MARCHF1: variants seen among roughly 807,000 people sequenced by gnomAD.
The protein encoded by MARCHF1 is membrane associated ring-CH-type finger 1, also known as E3 ubiquitin-protein ligase MARCHF1.
Under a neutral mutation model 54.2 loss-of-function variants are expected in MARCHF1, and 40 were observed. The observed-to-expected ratio is 0.74, with a 90% confidence interval of 0.57 to 0.96. MARCHF1 has a LOEUF of 0.96. Among genes scored for constraint, MARCHF1 ranks in the 40% least tolerant of loss-of-function variants. The probability of loss-of-function intolerance (pLI) is 0.00; values close to 1 mark genes in which losing one functional copy is unlikely to be tolerated. For missense variants in MARCHF1, 586 were observed against 656.5 expected (o/e 0.89, Z 1.17); for synonymous variants, 236 against 236.3 (o/e 1.00, Z 0.01).
intron 8 of MARCHF1, among the ~76,000 whole-genome samples, chr4:163,557,081 A>G (rs1353634981): frequency 6.6e-6 from 1 of 152,198 alleles, no homozygotes. Flanking sequence ...TAATAGCGAT[A>G]GCAGGGAAGG....
At position 163,835,042 on chromosome 4, in the gene MARCHF1, C is replaced by G. The variant is rs1044504476; in HGVS notation, c.111+18979G>C. ...GGACTAAAAGCCCATGCTACCATGC[C>G]TGGCTAATTTTTAAATTTATTGCAG... is the stretch of plus-strand genomic sequence containing the variant. On this transcript the variant is annotated intron_variant, in intron 4 of 9. Coordinates refer to ENST00000514618, the MANE Select transcript of MARCHF1 (RefSeq NM_001394959.1). 2.0e-5 allele frequency among the ~76,000 whole-genome samples: 3 copies of G among 151,968 alleles called. No homozygotes were observed. The South Asian group carries it at 6.2e-4, about 32-fold the overall frequency.
intron 4 of MARCHF1, among the ~76,000 whole-genome samples, chr4:163,738,535 C>T (rs1746111857): frequency 6.6e-6 from 1 of 152,212 alleles, no homozygotes; most frequent in African/African-American, 2.4e-5. Context: ...AATGTATTAT[C>T]AGCCACCTGG....
At chr4:163,631,056 A>G (rs1742059302) in intron 5 of MARCHF1, among the ~76,000 whole-genome samples, 1 of 152,176 alleles carries the variant, frequency 6.6e-6, no homozygotes. Context: ...GTTTCATAGA[A>G]TATCAAATTA....
rs1181076356 is a variant in MARCHF1, at chr4:164,039,209, C to A, written c.-247-50500G>T. ...TGTTTCACTTTTAAAATTCCACATG[C>A]AGTAGCATTTACTAATCCAGTTTTT... On this transcript the variant is annotated intron_variant, in intron 2 of 9. Coordinates refer to ENST00000514618, the MANE Select transcript of MARCHF1 (RefSeq NM_001394959.1). Among the ~76,000 whole-genome samples, 3 of 152,140 alleles carry A rather than the reference C, an allele frequency of 2.0e-5. No individual in the cohort carries two copies. The East Asian group carries it at 5.8e-4, about 29-fold the overall frequency.
intron 8 of MARCHF1, among the ~76,000 whole-genome samples, chr4:163,573,989 T>C (rs1478591262): frequency 2.0e-5 from 3 of 152,084 alleles, no homozygotes; most frequent in East Asian, 3.9e-4. Flanking sequence ...TTCCTGACTT[T>C]TTAATGATTG....
At position 163,972,191 on chromosome 4, in the gene MARCHF1, C is replaced by T. The variant is rs144213334; in HGVS notation, c.-39+16310G>A. On this transcript the variant is annotated intron_variant, in intron 3 of 9. Transcript: ENST00000514618. The stretch of plus-strand genomic sequence containing the variant: ...GGGAGGGGAACATCACATACTGGAG[C>T]CTATCAGGGGGTGGGGAGCTAGGGG... Among the ~76,000 whole-genome samples the T allele has an allele frequency of 1.3e-4, 19 of 151,946 alleles. No individual in the cohort carries two copies. The East Asian group carries it at 3.3e-3, about 26-fold the overall frequency.
intron 7 of MARCHF1, 148 bp from the exon 8 acceptor site, chr4:163,586,077 A>G: frequency 4.7e-6 from 3 of 642,758 alleles, no homozygotes; most frequent in Non-Finnish European, 7.6e-6. Flanking sequence ...TTGATGCTAG[A>G]ACCAAATCTA....
chr4:163,623,198 G>A (rs530617180), intron 5 of MARCHF1, among the ~76,000 whole-genome samples: 1 of 152,296 alleles, frequency 6.6e-6, no homozygotes, highest in South Asian at 2.1e-4. Context: ...ATCAGGAGAT[G>A]ATAAGGCTAG....
At chr4:164,370,727 G>A (rs1016476237) in intron 1 of MARCHF1, among the ~76,000 whole-genome samples, 6 of 152,098 alleles carry the variant, frequency 3.9e-5, no homozygotes, top group South Asian at 2.1e-4. Context: ...TCACCAACAC[G>A]GCGAAACTCG....
At chr4:164,269,768 T>C (rs1344629504) in intron 1 of MARCHF1, among the ~76,000 whole-genome samples, 3 of 152,146 alleles carry the variant, frequency 2.0e-5, no homozygotes, top group Non-Finnish European at 4.4e-5. Flanking sequence ...GTTTTTCTTT[T>C]GTGACTGGGG....
chr4:163,596,474 A>G (rs1740773823), intron 7 of MARCHF1, among the ~76,000 whole-genome samples: 1 of 135,388 alleles, frequency 7.4e-6, no homozygotes, highest in Non-Finnish European at 1.5e-5. Flanking sequence ...CGGGAGGCAG[A>G]GGTTACAGTG....
At chr4:164,144,250 T>C (rs1053207924) in intron 1 of MARCHF1, among the ~76,000 whole-genome samples, 1 of 151,268 alleles carries the variant, frequency 6.6e-6, no homozygotes, top group African/African-American at 2.5e-5. Context: ...CTGTCAACAT[T>C]AGACAGATCA....
intron 3 of MARCHF1, among the ~76,000 whole-genome samples, chr4:163,939,467 T>A (rs1751865899): frequency 6.6e-6 from 1 of 152,170 alleles, no homozygotes; most frequent in African/African-American, 2.4e-5. Context: ...TATCTTGTTA[T>A]TCAAAGTGTC....
intron 8 of MARCHF1, among the ~76,000 whole-genome samples, chr4:163,551,929 G>C (rs968035844): frequency 6.6e-6 from 1 of 152,168 alleles, no homozygotes; most frequent in East Asian, 1.9e-4. Context: ...CCAGTCTCAG[G>C]TATGTCTTTA....
At chr4:164,048,433 A>C (rs1417783839) in intron 2 of MARCHF1, among the ~76,000 whole-genome samples, 1 of 152,156 alleles carries the variant, frequency 6.6e-6, no homozygotes, top group Non-Finnish European at 1.5e-5. Flanking sequence ...TGAATCATCA[A>C]AATTGTCTAT....
chr4:164,279,323 G>T (rs1474580023), intron 1 of MARCHF1, among the ~76,000 whole-genome samples: 1 of 150,932 alleles, frequency 6.6e-6, no homozygotes, highest in Non-Finnish European at 1.5e-5. Context: ...AAAAAACAAG[G>T]GAAATATAAT....
intron 8 of MARCHF1, among the ~76,000 whole-genome samples, chr4:163,561,031 T>C (rs948675649): frequency 2.0e-5 from 3 of 152,168 alleles, no homozygotes; most frequent in Admixed American, 6.5e-5. Context: ...TTTATTGCAC[T>C]GGCTAGAACC....
At chr4:164,051,334 C>T (rs189367087) in intron 2 of MARCHF1, among the ~76,000 whole-genome samples, 4 of 152,162 alleles carry the variant, frequency 2.6e-5, no homozygotes, top group East Asian at 3.9e-4. Context: ...TTAGCCAACT[C>T]GATAATTGCA....
chr4:164,227,867 T>G (rs1057253767), intron 1 of MARCHF1, among the ~76,000 whole-genome samples: 6 of 152,126 alleles, frequency 3.9e-5, no homozygotes, highest in African/African-American at 1.4e-4. Flanking sequence ...GGGGAAGCAC[T>G]GTAATATAAT....
Sources: gnomAD v4.1 joint callset for allele counts (sites outside exome capture counted in the v4.1 genomes callset) on GRCh38, gnomAD v4.1.1 for gene constraint, MANE v1.5 for transcripts, NCBI Gene and HGNC (gene_info 2026-07-23, HGNC 2026-07-21) for gene names.